Variants in C10orf90 observed in about 807,000 individuals in gnomAD.
C10orf90 encodes the protein (E2-independent) E3 ubiquitin-conjugating enzyme FATS.
C10orf90 carries 56 observed loss-of-function variants against 62.5 expected under a neutral mutation model. The ratio of observed to expected loss-of-function variants is 0.90; its 90% CI spans 0.72 to 1.12. C10orf90 has a LOEUF of 1.12. Among genes scored for constraint, C10orf90 ranks in the 50% most tolerant of loss-of-function variants. C10orf90 has a pLI of 0.00. For missense variants in C10orf90, 970 were observed against 880.4 expected (o/e 1.10, Z -1.29); for synonymous variants, 386 against 340.4 (o/e 1.13, Z -1.47).
intron 2 of C10orf90, among the ~76,000 whole-genome samples, chr10:126,533,120 G>C (rs1004679755): frequency 5.3e-5 from 8 of 151,624 alleles, no homozygotes; most frequent in African/African-American, 1.9e-4. Context: ...ATTTTTAGTA[G>C]AGATGGGGTT....
At chr10:126,634,390 T>C (rs541213937) in intron 2 of C10orf90, among the ~76,000 whole-genome samples, 1 of 152,260 alleles carries the variant, frequency 6.6e-6, no homozygotes, top group Non-Finnish European at 1.5e-5. Flanking sequence ...ACTATATTAT[T>C]CCACTGATAT....
chr10:126,581,687 T>C (rs1844755564), intron 2 of C10orf90, among the ~76,000 whole-genome samples: 1 of 152,178 alleles, frequency 6.6e-6, no homozygotes. Flanking sequence ...CCAGGTGTCT[T>C]ATGTGGCCTT....
At chr10:126,503,881 T>C in intron 4 of C10orf90, 76 bp downstream of exon 4, 1 of 1,510,868 alleles carries the variant, frequency 6.6e-7, no homozygotes, top group Non-Finnish European at 8.9e-7. Flanking sequence ...AAGTTTTGTA[T>C]AAGAAATTCA....
At chr10:126,559,711 T>A (rs2133986284) in intron 2 of C10orf90, among the ~76,000 whole-genome samples, 1 of 152,288 alleles carries the variant, frequency 6.6e-6, no homozygotes, top group Middle Eastern at 3.4e-3. Context: ...CCTAATCATT[T>A]AAAAAACCAA....
intron 4 of C10orf90, among the ~76,000 whole-genome samples, chr10:126,482,907 A>T (rs536493178): frequency 6.6e-6 from 1 of 152,330 alleles, no homozygotes; most frequent in South Asian, 2.1e-4. Context: ...AGGAACAAGG[A>T]GTTAAGGAGT....
At chr10:126,484,014 C>A (rs1291562737) in intron 4 of C10orf90, among the ~76,000 whole-genome samples, 1 of 152,188 alleles carries the variant, frequency 6.6e-6, no homozygotes, top group Admixed American at 6.5e-5. Context: ...ATTCCATAAG[C>A]CTGACATTGA....
At chr10:126,664,460 T>C (rs1484613771) in intron 1 of C10orf90, among the ~76,000 whole-genome samples, 1 of 152,104 alleles carries the variant, frequency 6.6e-6, no homozygotes, top group Non-Finnish European at 1.5e-5. Context: ...ATATTATCAT[T>C]TTTCCTATGA....
chr10:126,542,260 T>C (rs1341742519), intron 2 of C10orf90, among the ~76,000 whole-genome samples: 2 of 152,232 alleles, frequency 1.3e-5, no homozygotes, highest in East Asian at 3.9e-4. Context: ...CCCAGCACTT[T>C]GGGAGGTAGA....
chr10:126,649,105 A>G (rs992111486), intron 1 of C10orf90, among the ~76,000 whole-genome samples: 1 of 130,682 alleles, frequency 7.7e-6, no homozygotes, highest in Non-Finnish European at 1.6e-5. Context: ...TGGATGGCAA[A>G]TTAACTAAGA....
chr10:126,433,716 CAAAACAAAACAAAACG>C (rs902314290), intron 7 of C10orf90, among the ~76,000 whole-genome samples: 126 of 152,108 alleles, frequency 8.3e-4, no homozygotes, highest in African/African-American at 2.8e-3. Context: ...TGTTTGAAAA[CAAAACAAAACAAAACG>C]AAAACAAAAC....
chr10:126,441,620 A>G (rs1858333732), intron 7 of C10orf90, among the ~76,000 whole-genome samples: 1 of 152,196 alleles, frequency 6.6e-6, no homozygotes, highest in Non-Finnish European at 1.5e-5. Context: ...AAGAATCTTA[A>G]GAGCTCCAAG....
intron 3 of C10orf90, among the ~76,000 whole-genome samples, chr10:126,510,627 A>G (rs1195836498): frequency 1.3e-5 from 2 of 152,130 alleles, no homozygotes; most frequent in Non-Finnish European, 2.9e-5. Flanking sequence ...TGAACCATCC[A>G]TTTCCTGACC....
intron 2 of C10orf90, among the ~76,000 whole-genome samples, chr10:126,613,885 G>A (rs1845489273): frequency 6.6e-6 from 1 of 152,186 alleles, no homozygotes; most frequent in Non-Finnish European, 1.5e-5. Context: ...AGAAGTGGCT[G>A]GTTGTGATGA....
At chr10:126,602,506 C>T (rs1275079185) in intron 2 of C10orf90, among the ~76,000 whole-genome samples, 1 of 152,170 alleles carries the variant, frequency 6.6e-6, no homozygotes, top group Admixed American at 6.5e-5. Flanking sequence ...GAACTCCTGA[C>T]CCTGAATATT....
intron 2 of C10orf90, among the ~76,000 whole-genome samples, chr10:126,588,023 AC>A (rs937266378): frequency 4.6e-5 from 7 of 152,134 alleles, no homozygotes; most frequent in Non-Finnish European, 8.8e-5. Flanking sequence ...ACAAGTTAAA[AC>A]CCACTGGCTT....
chr10:126,497,933 A>C (rs968752789), intron 4 of C10orf90, among the ~76,000 whole-genome samples: 1 of 152,214 alleles, frequency 6.6e-6, no homozygotes, highest in African/African-American at 2.4e-5. Context: ...GTTCTTGTCC[A>C]TTCATCAGCT....
intron 2 of C10orf90, among the ~76,000 whole-genome samples, chr10:126,645,027 C>T (rs1487295158): frequency 2.6e-5 from 4 of 151,794 alleles, no homozygotes; most frequent in Non-Finnish European, 2.9e-5. Context: ...AACCAAACAC[C>T]GCATATTCTC....
At chr10:126,477,333 G>A (rs1386312610) in intron 4 of C10orf90, among the ~76,000 whole-genome samples, 1 of 150,842 alleles carries the variant, frequency 6.6e-6, no homozygotes, top group South Asian at 2.1e-4. Context: ...AAAGATAGTT[G>A]ATTTCTTTTC....
chr10:126,509,026 G>A (rs2133903149), intron 3 of C10orf90, among the ~76,000 whole-genome samples: 2 of 152,328 alleles, frequency 1.3e-5, no homozygotes, highest in Middle Eastern at 3.4e-3. Context: ...CCCAGGCTGT[G>A]CTGAGGGGCT....
Sources: gnomAD v4.1 joint callset for allele counts (sites outside exome capture counted in the v4.1 genomes callset) on GRCh38, gnomAD v4.1.1 for gene constraint, MANE v1.5 for transcripts, NCBI Gene and HGNC (gene_info 2026-07-23, HGNC 2026-07-21) for gene names.